The following ANKS1B variants were observed in gnomAD, a reference collection of about 807,000 sequenced individuals.
ANKS1B encodes the protein ankyrin repeat and sterile alpha motif domain-containing protein 1B.
Under a neutral mutation model 148.3 loss-of-function variants are expected in ANKS1B, and 36 were observed. That is an observed-to-expected ratio of 0.24 (90% CI 0.19 to 0.32). The LOEUF is 0.32. ANKS1B is among the 10% of genes least tolerant of loss of function. The pLI, the probability that ANKS1B is intolerant of heterozygous loss-of-function variation, is 1.00. For synonymous variants in ANKS1B, 542 were observed against 560.8 expected (o/e 0.97, Z 0.47); for missense variants, 1,157 against 1,542.6 (o/e 0.75, Z 4.19).
chr12:98,875,663 G>C (rs1409048037), intron 17 of ANKS1B, among the ~76,000 whole-genome samples: 1 of 152,102 alleles, frequency 6.6e-6, no homozygotes, highest in Non-Finnish European at 1.5e-5. Context: ...TGGGAGGCAG[G>C]GGCTGTTTTA....
intron 14 of ANKS1B, among the ~76,000 whole-genome samples, chr12:99,239,517 C>G (rs1305049052): frequency 1.3e-5 from 2 of 152,176 alleles, no homozygotes; most frequent in African/African-American, 4.8e-5. Flanking sequence ...AGGAGAACTT[C>G]CCGAATCTAG....
chr12:99,485,317 TAAG>T (rs1429061287), intron 10 of ANKS1B, among the ~76,000 whole-genome samples: 1 of 152,070 alleles, frequency 6.6e-6, no homozygotes, highest in Admixed American at 6.6e-5. Flanking sequence ...TTGTTCTGTT[TAAG>T]AAGGTTGAAG....
chr12:98,986,716 G>A (rs1484208402), intron 17 of ANKS1B, among the ~76,000 whole-genome samples: 1 of 152,108 alleles, frequency 6.6e-6, no homozygotes, highest in Non-Finnish European at 1.5e-5. Context: ...CCAGGCTCAA[G>A]CTATCCTTCC....
At chr12:99,530,793 T>C (rs116335680) in intron 9 of ANKS1B, among the ~76,000 whole-genome samples, 1,542 of 152,274 alleles carry the variant, frequency 0.01, 37 homozygotes, top group African/African-American at 0.036. Flanking sequence ...GTAGGGACTA[T>C]TATAACCCTC....
chr12:99,172,498 A>G (rs1311794894), intron 14 of ANKS1B, among the ~76,000 whole-genome samples: 1 of 152,174 alleles, frequency 6.6e-6, no homozygotes, highest in African/African-American at 2.4e-5. Flanking sequence ...GGGGCCTCCA[A>G]ATATTCTTAG....
At chr12:99,948,168 G>C (rs2095119063) in intron 1 of ANKS1B, among the ~76,000 whole-genome samples, 1 of 151,994 alleles carries the variant, frequency 6.6e-6, no homozygotes, top group Non-Finnish European at 1.5e-5. Flanking sequence ...ATCTTAGAGG[G>C]CCATCTTAGG....
chr12:99,306,832 G>T (rs1290269359), intron 12 of ANKS1B, among the ~76,000 whole-genome samples: 2 of 151,770 alleles, frequency 1.3e-5, no homozygotes, highest in Non-Finnish European at 2.9e-5. Flanking sequence ...TTATACAGTT[G>T]ATTTTTTTAA....
At chr12:98,803,264 C>T (rs1441688375) in intron 20 of ANKS1B, among the ~76,000 whole-genome samples, 1 of 152,056 alleles carries the variant, frequency 6.6e-6, no homozygotes, top group Non-Finnish European at 1.5e-5. Flanking sequence ...GTGTAATAAC[C>T]TTTAAGTGAT....
At chr12:99,212,624 T>C (rs2083504142) in intron 14 of ANKS1B, among the ~76,000 whole-genome samples, 1 of 152,236 alleles carries the variant, frequency 6.6e-6, no homozygotes, top group South Asian at 2.1e-4. Flanking sequence ...TTTTTACTTA[T>C]TGTGGTCTTT....
chr12:99,174,461 C>T (rs761825259), intron 14 of ANKS1B, among the ~76,000 whole-genome samples: 15 of 152,208 alleles, frequency 9.9e-5, no homozygotes, highest in Non-Finnish European at 2.1e-4. Context: ...AGAAATGCAT[C>T]TGGGTGCTTT....
intron 1 of ANKS1B, among the ~76,000 whole-genome samples, chr12:99,882,535 C>T (rs1440583820): frequency 6.6e-6 from 1 of 152,044 alleles, no homozygotes. Context: ...GCATTACTTA[C>T]AGGGAAGCAA....
intron 19 of ANKS1B, among the ~76,000 whole-genome samples, chr12:98,809,427 T>A (rs748069238): frequency 3.9e-5 from 6 of 152,204 alleles, no homozygotes; most frequent in Non-Finnish European, 8.8e-5. Flanking sequence ...ACAAATCACA[T>A]CTTCTGCAAC....
Position 99,399,678 on chromosome 12 carries a change from G to A in ANKS1B, c.1709C>T (p.Ser570Phe), listed in dbSNP as rs2094350320. The change falls in exon 12 of 27, where the codon TCT becomes TTT. Residue 570 changes from serine to phenylalanine, a missense_variant. By Grantham distance (155) the Ser-to-Phe change is radical. Transcript: ENST00000683438. ...CTTGACTTCTGTGGTTCCCACAGAAGAGGTGGGTGGACTAGCAGGAGGACT... is the reference window on the plus strand; with the variant it reads ...CTTGACTTCTGTGGTTCCCACAGAAAAGGTGGGTGGACTAGCAGGAGGACT... Reference protein sequence around the residue: ...TASPPASPPTSSVGTTEVKNE... With the variant: ...TASPPASPPTFSVGTTEVKNE... 1.2e-6 allele frequency: 2 copies of A among 1,613,394 alleles called. No homozygotes were observed. The highest frequency in any genetic ancestry group is 2.2e-5 in the East Asian group (1 of 44,888).
At chr12:99,486,501 C>T (rs1046093946) in intron 10 of ANKS1B, among the ~76,000 whole-genome samples, 1 of 147,944 alleles carries the variant, frequency 6.8e-6, no homozygotes, top group African/African-American at 2.5e-5. Context: ...TTTATTTTTC[C>T]CCAGTATTTT....
chr12:99,803,186 A>T (rs2067165827), intron 4 of ANKS1B, among the ~76,000 whole-genome samples: 2 of 151,964 alleles, frequency 1.3e-5, no homozygotes, highest in Non-Finnish European at 2.9e-5. Context: ...GAGAATATCA[A>T]CAAACCTACT....
intron 1 of ANKS1B, among the ~76,000 whole-genome samples, chr12:99,846,065 A>G (rs1178044876): frequency 1.2e-4 from 19 of 152,032 alleles, no homozygotes; most frequent in Admixed American, 1.2e-3. Flanking sequence ...CTTTTGTTTA[A>G]CTTAACTAGT....
intron 1 of ANKS1B, among the ~76,000 whole-genome samples, chr12:99,952,679 C>T (rs1431235265): frequency 6.6e-6 from 1 of 152,132 alleles, no homozygotes. Flanking sequence ...GTGTTTTACT[C>T]CCAGTTTTTG....
intron 9 of ANKS1B, among the ~76,000 whole-genome samples, chr12:99,549,390 T>C (rs1004081704): frequency 1.3e-5 from 2 of 152,254 alleles, no homozygotes; most frequent in Non-Finnish European, 2.9e-5. Flanking sequence ...GTTAAGCAGA[T>C]GGTTTTTGAA....
intron 1 of ANKS1B, among the ~76,000 whole-genome samples, chr12:99,881,402 G>A (rs1403982715): frequency 6.6e-6 from 1 of 152,164 alleles, no homozygotes; most frequent in Admixed American, 6.5e-5. Flanking sequence ...TAGTCCACAA[G>A]AGAGAGGCAA....
Sources: gnomAD v4.1 joint callset for allele counts (sites outside exome capture counted in the v4.1 genomes callset) on GRCh38, gnomAD v4.1.1 for gene constraint, MANE v1.5 for transcripts, NCBI Gene and HGNC (gene_info 2026-07-23, HGNC 2026-07-21) for gene names.